The following ZNF804A variants were observed in gnomAD, a reference collection of about 807,000 sequenced individuals.
ZNF804A encodes the protein zinc finger protein 804A.
A neutral mutation model predicts 16.5 loss-of-function variants in ZNF804A; 2 were observed. The observed-to-expected ratio is 0.12, with a 90% CI of 0.05 to 0.38. ZNF804A has a LOEUF of 0.38. Among genes scored for constraint, ZNF804A ranks in the 10% least tolerant of loss-of-function variants. The probability of loss-of-function intolerance (pLI) is 0.99; values close to 1 mark genes in which losing one functional copy is unlikely to be tolerated. For missense variants in ZNF804A, 1,473 were observed against 1,390.7 expected (o/e 1.06, Z -0.94); for synonymous variants, 534 against 489.6 (o/e 1.09, Z -1.20).
chr2:184,719,250 A>G (rs1054650502), intron 1 of ZNF804A, among the ~76,000 whole-genome samples: 6 of 152,120 alleles, frequency 3.9e-5, no homozygotes, highest in Non-Finnish European at 5.9e-5. Context: ...TAGACTGCAC[A>G]CAGCAGAGGG....
intron 1 of ZNF804A, among the ~76,000 whole-genome samples, chr2:184,665,109 AAC>A (rs754447409): frequency 7.9e-5 from 12 of 152,314 alleles, no homozygotes; most frequent in Non-Finnish European, 1.5e-4. Context: ...CACAAAGACA[AAC>A]ACAAACTCTT....
chr2:184,776,910 G>T (rs1245121520), intron 1 of ZNF804A, among the ~76,000 whole-genome samples: 1 of 151,528 alleles, frequency 6.6e-6, no homozygotes, highest in Admixed American at 6.6e-5. Flanking sequence ...TGAAGTGTGG[G>T]ACTCATTACT....
At chr2:184,829,637 T>C (rs1174874615) in intron 1 of ZNF804A, among the ~76,000 whole-genome samples, 2 of 151,836 alleles carry the variant, frequency 1.3e-5, no homozygotes, top group Admixed American at 6.6e-5. Flanking sequence ...GTAGACAATA[T>C]GATGAATTAT....
At chr2:184,747,610 C>T (rs1029396308) in intron 1 of ZNF804A, among the ~76,000 whole-genome samples, 1 of 150,998 alleles carries the variant, frequency 6.6e-6, no homozygotes, top group African/African-American at 2.4e-5. Flanking sequence ...TTATTTTAAG[C>T]ACAAAATATT....
intron 2 of ZNF804A, among the ~76,000 whole-genome samples, chr2:184,900,907 C>T (rs1685170155): frequency 6.6e-6 from 1 of 152,176 alleles, no homozygotes; most frequent in African/African-American, 2.4e-5. Flanking sequence ...TTGTTAATGA[C>T]TCCCACTTTT....
At chr2:184,789,819 TTC>T (rs1156360247) in intron 1 of ZNF804A, among the ~76,000 whole-genome samples, 1 of 152,122 alleles carries the variant, frequency 6.6e-6, no homozygotes, top group African/African-American at 2.4e-5. Context: ...TTTAATCTGT[TTC>T]ATTCATTTCT....
intron 1 of ZNF804A, among the ~76,000 whole-genome samples, chr2:184,822,203 T>C (rs1442695495): frequency 6.6e-6 from 1 of 152,026 alleles, no homozygotes; most frequent in Non-Finnish European, 1.5e-5. Context: ...AAAATGTACA[T>C]ATACACCATG....
chr2:184,844,646 T>G (rs1197165466), intron 1 of ZNF804A, among the ~76,000 whole-genome samples: 2 of 152,022 alleles, frequency 1.3e-5, no homozygotes, highest in African/African-American at 4.8e-5. Flanking sequence ...GACTTTTCTC[T>G]TGGGTTTTCT....
chr2:184,724,725 A>G (rs1199572896), intron 1 of ZNF804A, among the ~76,000 whole-genome samples: 1 of 151,782 alleles, frequency 6.6e-6, no homozygotes, highest in African/African-American at 2.4e-5. Context: ...AAAGAAGGGC[A>G]TGTAAATAAG....
At chr2:184,643,505 A>G (rs772527177) in intron 1 of ZNF804A, among the ~76,000 whole-genome samples, 19 of 151,978 alleles carry the variant, frequency 1.3e-4, no homozygotes, top group Non-Finnish European at 2.7e-4. Flanking sequence ...CTTACAGTAT[A>G]CCTATAACTC....
chr2:184,601,830 G>A (rs1691053763), intron 1 of ZNF804A, among the ~76,000 whole-genome samples: 1 of 151,726 alleles, frequency 6.6e-6, no homozygotes, highest in African/African-American at 2.4e-5. Flanking sequence ...AGACCTTTTA[G>A]TTAGTTTCTG....
chr2:184,658,209 T>G (rs1692113046), intron 1 of ZNF804A, among the ~76,000 whole-genome samples: 1 of 152,036 alleles, frequency 6.6e-6, no homozygotes, highest in South Asian at 2.1e-4. Flanking sequence ...CCAGGCCAGG[T>G]GTGGTGGCTC....
At chr2:184,902,797 C>G (rs1480758001) in intron 2 of ZNF804A, among the ~76,000 whole-genome samples, 1 of 151,972 alleles carries the variant, frequency 6.6e-6, no homozygotes, top group Non-Finnish European at 1.5e-5. Flanking sequence ...AGCTTAAGGC[C>G]AAATGTTATG....
At chr2:184,851,348 T>G (rs976448213) in intron 1 of ZNF804A, among the ~76,000 whole-genome samples, 2 of 151,780 alleles carry the variant, frequency 1.3e-5, no homozygotes, top group African/African-American at 4.8e-5. Context: ...CCTCAACCCC[T>G]ACCCCTATAC....
chr2:184,631,852 A>G (rs914257003), intron 1 of ZNF804A, among the ~76,000 whole-genome samples: 4 of 152,220 alleles, frequency 2.6e-5, no homozygotes, highest in African/African-American at 9.6e-5. Context: ...AACTAGAAGT[A>G]ACTTAACTTT....
intron 1 of ZNF804A, among the ~76,000 whole-genome samples, chr2:184,706,475 G>A (rs1693032926): frequency 6.6e-6 from 1 of 152,172 alleles, no homozygotes; most frequent in African/African-American, 2.4e-5. Flanking sequence ...TGTTAGTTCA[G>A]GGTGTGATCA....
At chr2:184,635,026 A>G (rs1001514902) in intron 1 of ZNF804A, among the ~76,000 whole-genome samples, 2 of 152,200 alleles carry the variant, frequency 1.3e-5, no homozygotes, top group Non-Finnish European at 2.9e-5. Flanking sequence ...CTTGCATTAA[A>G]GAGTGGTTAA....
intron 1 of ZNF804A, among the ~76,000 whole-genome samples, chr2:184,750,841 TCCC>T (rs1318002996): frequency 6.6e-6 from 1 of 151,210 alleles, no homozygotes; most frequent in Non-Finnish European, 1.5e-5. Flanking sequence ...CCTCTCCTGC[TCCC>T]CAAGACCCTG....
chr2:184,858,633 A>T (rs935032360), intron 1 of ZNF804A, among the ~76,000 whole-genome samples: 2 of 152,086 alleles, frequency 1.3e-5, no homozygotes, highest in African/African-American at 4.8e-5. Flanking sequence ...TGTTTTTGTT[A>T]ACTAATTATT....
Sources: gnomAD v4.1 joint callset for allele counts (sites outside exome capture counted in the v4.1 genomes callset) on GRCh38, gnomAD v4.1.1 for gene constraint, MANE v1.5 for transcripts, NCBI Gene and HGNC (gene_info 2026-07-23, HGNC 2026-07-21) for gene names.